The following PCDH9 variants were observed in gnomAD, a reference collection of about 807,000 sequenced individuals.
The protein encoded by PCDH9 is protocadherin 9.
Under a neutral mutation model 70.6 loss-of-function variants are expected in PCDH9, and 24 were observed. That is an observed-to-expected ratio of 0.34 (90% CI 0.25 to 0.48). The LOEUF is 0.48. Ranked by LOEUF, PCDH9 falls within the 20% of genes least tolerant of loss-of-function variation. PCDH9 has a pLI of 0.99. For missense variants in PCDH9, 1,281 were observed against 1,503.6 expected (o/e 0.85, Z 2.45); for synonymous variants, 562 against 558.5 (o/e 1.01, Z -0.09).
intron 3 of PCDH9, among the ~76,000 whole-genome samples, chr13:66,736,222 A>AC (rs1232241698): frequency 6.6e-6 from 1 of 151,796 alleles, no homozygotes; most frequent in Non-Finnish European, 1.5e-5. Context: ...TGAAGCCCTA[A>AC]CCCCCCATAG....
At chr13:66,550,173 T>C (rs966598376) in intron 4 of PCDH9, among the ~76,000 whole-genome samples, 19 of 152,112 alleles carry the variant, frequency 1.2e-4, no homozygotes, top group Admixed American at 3.3e-4. Flanking sequence ...CTTATTTGCT[T>C]AATGTTGGTT....
At position 66,559,817 on chromosome 13, in the gene PCDH9, A is replaced by AAAAAAAT. The variant is rs71677008; in HGVS notation, c.3340+71392_3340+71393insATTTTTT. Among the ~76,000 whole-genome samples the AAAAAAAT allele has an allele frequency of 5.3e-3, 495 of 92,966 alleles. 11 individuals are homozygous for AAAAAAAT. Among genetic ancestry groups the AAAAAAAT allele is most frequent in the South Asian group, 7.4e-3 (18 of 2,420 alleles). 61.0% of individuals were successfully genotyped at this position (92,966 alleles called of 152,430 possible). On this transcript the variant is annotated intron_variant, in intron 4 of 4. Coordinates refer to ENST00000377865, the MANE Select transcript of PCDH9 (RefSeq NM_203487.3). ...TCCATCTCAAAAAAAAAAAAAAAAA[A>AAAAAAAT]ATATATATATATATATACACACACA...
At chr13:66,481,509 C>T (rs1415153167) in intron 4 of PCDH9, among the ~76,000 whole-genome samples, 1 of 152,096 alleles carries the variant, frequency 6.6e-6, no homozygotes, top group Non-Finnish European at 1.5e-5. Context: ...TGTTATTGCA[C>T]ACTTAATAGA....
At chr13:67,183,056 T>A (rs1246583595) in intron 2 of PCDH9, among the ~76,000 whole-genome samples, 1 of 152,180 alleles carries the variant, frequency 6.6e-6, no homozygotes, top group African/African-American at 2.4e-5. Flanking sequence ...TTTCTATGAC[T>A]GTTACTACTA....
chr13:67,019,247 G>A (rs1352430383), intron 2 of PCDH9, among the ~76,000 whole-genome samples: 2 of 140,908 alleles, frequency 1.4e-5, no homozygotes, highest in Non-Finnish European at 3.0e-5. Flanking sequence ...AGGCTGGAGT[G>A]CAGTGGTAGG....
chr13:66,760,842 G>A (rs1822211), intron 3 of PCDH9, among the ~76,000 whole-genome samples: 44,052 of 151,754 alleles, frequency 0.29, 6,614 homozygotes, highest in East Asian at 0.43. Context: ...CTCTGGGAGT[G>A]TCTATCTTAT....
chr13:67,048,181 C>T (rs758966173), intron 2 of PCDH9, among the ~76,000 whole-genome samples: 9 of 152,136 alleles, frequency 5.9e-5, no homozygotes, highest in Non-Finnish European at 1.3e-4. Flanking sequence ...CAAAGACTTG[C>T]TCTTCTTAGA....
At chr13:67,154,591 A>ATATATAT (rs1342357485) in intron 2 of PCDH9, among the ~76,000 whole-genome samples, 1 of 88,820 alleles carries the variant, frequency 1.1e-5, no homozygotes, top group African/African-American at 4.6e-5. Flanking sequence ...AAAAAAAAAA[A>ATATATAT]AAAAATATAT....
At chr13:67,118,081 T>C (rs546964132) in intron 2 of PCDH9, among the ~76,000 whole-genome samples, 1 of 152,318 alleles carries the variant, frequency 6.6e-6, no homozygotes, top group Admixed American at 6.5e-5. Context: ...TATGAGTTCA[T>C]GTGGGCAATG....
intron 4 of PCDH9, among the ~76,000 whole-genome samples, chr13:66,550,076 C>T (rs1423787108): frequency 6.6e-6 from 1 of 152,104 alleles, no homozygotes; most frequent in Non-Finnish European, 1.5e-5. Flanking sequence ...AATTCAAAAA[C>T]ATTTTTCAGT....
At chr13:66,605,250 A>G (rs1824201930) in intron 4 of PCDH9, among the ~76,000 whole-genome samples, 1 of 152,058 alleles carries the variant, frequency 6.6e-6, no homozygotes, top group African/African-American at 2.4e-5. Flanking sequence ...ACCAGTAGGG[A>G]CCCAAGTGTT....
chr13:66,503,918 T>C (rs550830561), intron 4 of PCDH9, among the ~76,000 whole-genome samples: 1 of 152,292 alleles, frequency 6.6e-6, no homozygotes, highest in East Asian at 1.9e-4. Flanking sequence ...ACAGAAGAGA[T>C]ACACAAAACA....
At chr13:67,222,035 C>T (rs1306534580) in intron 2 of PCDH9, 1 of 152,170 alleles carries the variant, frequency 6.6e-6, no homozygotes, top group Non-Finnish European at 1.5e-5. Flanking sequence ...TGGGGTAGAA[C>T]CCAACAATCC....
At chr13:67,032,335 T>C (rs1230423913) in intron 2 of PCDH9, among the ~76,000 whole-genome samples, 4 of 151,936 alleles carry the variant, frequency 2.6e-5, no homozygotes, top group Non-Finnish European at 4.4e-5. Context: ...CTTTTTTTTT[T>C]GCATTTTTTG....
chr13:66,583,630 T>C (rs2076924683), intron 4 of PCDH9, among the ~76,000 whole-genome samples: 1 of 151,740 alleles, frequency 6.6e-6, no homozygotes, highest in African/African-American at 2.4e-5. Flanking sequence ...AAAAAAAGAA[T>C]AAAACTCTTT....
intron 3 of PCDH9, among the ~76,000 whole-genome samples, chr13:66,863,628 G>A (rs919587673): frequency 1.3e-5 from 2 of 152,100 alleles, no homozygotes; most frequent in African/African-American, 4.8e-5. Flanking sequence ...TAGGATTACA[G>A]GCACCTGCCA....
chr13:66,738,814 A>C (rs577092813), intron 3 of PCDH9, among the ~76,000 whole-genome samples: 1 of 152,000 alleles, frequency 6.6e-6, no homozygotes, highest in African/African-American at 2.4e-5. Flanking sequence ...AGAAATGAGC[A>C]AAGCCTCCAA....
chr13:66,700,674 C>A (rs778884734), intron 3 of PCDH9, among the ~76,000 whole-genome samples: 2 of 151,852 alleles, frequency 1.3e-5, no homozygotes, highest in Non-Finnish European at 2.9e-5. Flanking sequence ...TAAATCAGGA[C>A]GAGACTTTCA....
chr13:66,475,488 GACCA>G (rs1162159842), intron 4 of PCDH9, among the ~76,000 whole-genome samples: 1 of 151,976 alleles, frequency 6.6e-6, no homozygotes, highest in Non-Finnish European at 1.5e-5. Context: ...CCCCTTCTGA[GACCA>G]ACCATTTGGA....
Sources: gnomAD v4.1 joint callset for allele counts (sites outside exome capture counted in the v4.1 genomes callset) on GRCh38, gnomAD v4.1.1 for gene constraint, MANE v1.5 for transcripts, NCBI Gene and HGNC (gene_info 2026-07-23, HGNC 2026-07-21) for gene names.